Variants in ANKS1B observed in about 807,000 individuals in gnomAD.
ANKS1B encodes the protein ankyrin repeat and sterile alpha motif domain containing 1B.
In ANKS1B, 36 loss-of-function variants were observed where a neutral mutation model predicts 148.3. The ratio of observed to expected loss-of-function variants is 0.24; its 90% confidence interval spans 0.19 to 0.32. ANKS1B has a LOEUF of 0.32. ANKS1B is among the 10% of genes least tolerant of loss of function. The pLI is 1.00. For synonymous variants in ANKS1B, 542 were observed against 560.8 expected (o/e 0.97, Z 0.47); for missense variants, 1,157 against 1,542.6 (o/e 0.75, Z 4.19).
chr12:99,110,797 T>G (rs2060139541), intron 15 of ANKS1B, among the ~76,000 whole-genome samples: 1 of 152,196 alleles, frequency 6.6e-6, no homozygotes, highest in Non-Finnish European at 1.5e-5. Flanking sequence ...GATAACTTCC[T>G]GTAACTTGAA....
rs1593285134 is a variant in ANKS1B, at chr12:98,745,478, T to G, written c.*261A>C. The G allele has an allele frequency of 9.3e-7, 1 of 1,079,310 alleles. No homozygotes were observed. Among genetic ancestry groups the G allele is most frequent in the Non-Finnish European group, 1.1e-6 (1 of 894,876 alleles). 66.9% of individuals were successfully genotyped at this position (1,079,310 alleles called of 1,614,324 possible). A position where few individuals can be genotyped will look rare whatever the true frequency, so the allele number is the denominator to read the frequency against. On this transcript the variant is annotated 3_prime_UTR_variant, in exon 27 of 27. Coordinates refer to ENST00000683438, the MANE Select transcript of ANKS1B (RefSeq NM_001352186.2). The stretch of plus-strand genomic sequence containing the variant: ...TCATCAGAAATACCTTGGGAGGTGG[T>G]GGGGAGGGGAGTCGGGAGCATCAGG...
At chr12:99,528,784 A>G (rs767564620) in intron 9 of ANKS1B, among the ~76,000 whole-genome samples, 7 of 152,168 alleles carry the variant, frequency 4.6e-5, no homozygotes, top group Non-Finnish European at 8.8e-5. Flanking sequence ...GGGAAGAATA[A>G]TATGTGATGT....
In ANKS1B at chr12:99,806,574, A is replaced by G. The variant is rs2067658847; in HGVS notation, c.499T>C (p.Leu167=). Reference sequence around the variant, plus strand: ...CTAAGCCGTCCGTAGAGTGCCGCCAAGTCCAAAGGTGTTTCCAGCTTGCTA... The same window carrying G: ...CTAAGCCGTCCGTAGAGTGCCGCCAGGTCCAAAGGTGTTTCCAGCTTGCTA... ...RNSKLETPLD[L]AALYGRLRVV... The change falls in exon 4 of 27, where the codon TTG becomes CTG. Residue 167 remains leucine, a synonymous_variant. Transcript: ENST00000683438. 6.2e-7 allele frequency: 1 copy of G among 1,613,862 alleles called. No individual in the cohort carries two copies. Among genetic ancestry groups the G allele is most frequent in the Admixed American group, 1.7e-5 (1 of 59,994 alleles).
intron 17 of ANKS1B, among the ~76,000 whole-genome samples, chr12:98,920,017 A>G (rs1219215148): frequency 6.6e-6 from 1 of 152,236 alleles, no homozygotes; most frequent in Admixed American, 6.5e-5. Flanking sequence ...AACAAAGTAC[A>G]GCAAATTGGG....
intron 1 of ANKS1B, among the ~76,000 whole-genome samples, chr12:99,921,100 A>G (rs1603458901): frequency 6.6e-6 from 1 of 152,252 alleles, no homozygotes; most frequent in South Asian, 2.1e-4. Context: ...ACCAGGTGAT[A>G]TGGTTTGGCT....
chr12:99,729,713 T>C (rs770479073), intron 8 of ANKS1B, among the ~76,000 whole-genome samples: 9 of 152,260 alleles, frequency 5.9e-5, no homozygotes, highest in Non-Finnish European at 1.3e-4. Flanking sequence ...TGTAAATTTC[T>C]GTTGGTAACT....
chr12:99,341,116 T>C (rs867852862), intron 12 of ANKS1B: 1 of 152,154 alleles, frequency 6.6e-6, no homozygotes, highest in Non-Finnish European at 1.5e-5. Flanking sequence ...ATTAATTGTC[T>C]TACCTTGATT....
intron 1 of ANKS1B, among the ~76,000 whole-genome samples, chr12:99,830,639 CAAAA>C (rs71436967): frequency 1.0e-4 from 13 of 126,656 alleles, no homozygotes; most frequent in Admixed American, 8.3e-5. Context: ...CTGAAAGAAG[CAAAA>C]AAAAAAAAAA....
chr12:99,462,329 T>C (rs1256556662), intron 10 of ANKS1B, among the ~76,000 whole-genome samples: 10 of 152,200 alleles, frequency 6.6e-5, no homozygotes, highest in Non-Finnish European at 1.2e-4. Context: ...TGTATAATAG[T>C]CCTGTCCTAT....
At chr12:99,246,200 G>T (rs2153969457) in intron 13 of ANKS1B, 75 bp downstream of exon 13, 1 of 1,165,798 alleles carries the variant, frequency 8.6e-7, no homozygotes, top group Non-Finnish European at 1.2e-6. Flanking sequence ...GAGCTAAAAA[G>T]CTGAAAATCC....
intron 1 of ANKS1B, among the ~76,000 whole-genome samples, chr12:99,923,168 CTT>C (rs1411143356): frequency 2.0e-5 from 3 of 152,134 alleles, no homozygotes; most frequent in African/African-American, 7.2e-5. Context: ...TTACATTGCT[CTT>C]GTTTTTTCAA....
intron 20 of ANKS1B, among the ~76,000 whole-genome samples, chr12:98,804,823 T>C (rs967569914): frequency 2.6e-5 from 4 of 152,246 alleles, no homozygotes; most frequent in Non-Finnish European, 5.9e-5. Flanking sequence ...AGTACATTCA[T>C]GTCTACATAA....
intron 12 of ANKS1B, among the ~76,000 whole-genome samples, chr12:99,315,250 A>C (rs1181594563): frequency 3.3e-5 from 5 of 151,942 alleles, no homozygotes; most frequent in Non-Finnish European, 4.4e-5. Flanking sequence ...AAAAAAAAAA[A>C]AACAAAAAAC....
At chr12:99,177,210 C>T (rs2078505402) in intron 14 of ANKS1B, among the ~76,000 whole-genome samples, 1 of 152,188 alleles carries the variant, frequency 6.6e-6, no homozygotes, top group African/African-American at 2.4e-5. Flanking sequence ...AACGTCCATG[C>T]CCATACCTCT....
At chr12:99,921,883 G>A (rs1037436126) in intron 1 of ANKS1B, among the ~76,000 whole-genome samples, 9 of 151,242 alleles carry the variant, frequency 6.0e-5, no homozygotes, top group East Asian at 3.9e-4. Context: ...TTTTTACTTC[G>A]AAAGTTTTTA....
chr12:99,543,658 T>C (rs1305142702), intron 9 of ANKS1B, among the ~76,000 whole-genome samples: 2 of 152,186 alleles, frequency 1.3e-5, no homozygotes, highest in Admixed American at 1.3e-4. Context: ...TATATTTTAC[T>C]ATATGGATAA....
intron 1 of ANKS1B, among the ~76,000 whole-genome samples, chr12:99,899,060 T>C (rs992123138): frequency 6.6e-6 from 1 of 152,166 alleles, no homozygotes; most frequent in Non-Finnish European, 1.5e-5. Flanking sequence ...ATAACAGTGA[T>C]GATAATAATG....
chr12:99,968,400 C>CAA (rs759764657), intron 1 of ANKS1B, among the ~76,000 whole-genome samples: 3 of 150,518 alleles, frequency 2.0e-5, no homozygotes, highest in South Asian at 2.1e-4. Flanking sequence ...ACTAAAAATA[C>CAA]AAAAAAAAAT....
intron 8 of ANKS1B, among the ~76,000 whole-genome samples, chr12:99,734,334 C>T (rs1366599585): frequency 6.6e-6 from 1 of 151,950 alleles, no homozygotes; most frequent in Admixed American, 6.6e-5. Flanking sequence ...CTCTTGTTGC[C>T]CAGGCTGGAG....
Sources: gnomAD v4.1 joint callset for allele counts (sites outside exome capture counted in the v4.1 genomes callset) on GRCh38, gnomAD v4.1.1 for gene constraint, MANE v1.5 for transcripts, NCBI Gene and HGNC (gene_info 2026-07-23, HGNC 2026-07-21) for gene names.